The following RICTOR variants were observed in gnomAD, a reference collection of about 807,000 sequenced individuals.
RICTOR encodes the protein rapamycin-insensitive companion of mTOR.
RICTOR carries 49 observed loss-of-function variants against 214.9 expected under a neutral mutation model. The observed-to-expected ratio is 0.23, with a 90% CI of 0.18 to 0.29. The LOEUF (loss-of-function observed/expected upper bound fraction) is 0.29. Among genes scored for constraint, RICTOR ranks in the 10% least tolerant of loss-of-function variants. RICTOR has a pLI of 1.00. For missense variants in RICTOR, 1,625 were observed against 2,047.0 expected (o/e 0.79, Z 3.98); for synonymous variants, 717 against 711.3 (o/e 1.01, Z -0.13).
At chr5:39,041,171 C>T (rs16868003) in intron 2 of RICTOR, among the ~76,000 whole-genome samples, 5,045 of 152,162 alleles carry the variant, frequency 0.033, 138 homozygotes, top group South Asian at 0.081. Context: ...ATGCTTAACA[C>T]GAGTTTATTC....
At position 39,017,495 on chromosome 5, in the gene RICTOR, T is replaced by C. The variant is rs1006290518; in HGVS notation, c.195+3544A>G. 7.2e-5 allele frequency among the ~76,000 whole-genome samples: 11 copies of C among 152,058 alleles called. No individual in the cohort carries two copies. In the South Asian group the frequency reaches 2.3e-3, roughly 32 times the overall value. On this transcript the variant is annotated intron_variant, in intron 3 of 37. Coordinates refer to ENST00000357387, the MANE Select transcript of RICTOR (RefSeq NM_152756.5). ...CACTACAAAATACATGCCCATACTT[T>C]TGAAAGCCCGTTCTCCAGTACCTAG...
At chr5:38,977,592 C>CTT (rs34467191) in intron 9 of RICTOR, among the ~76,000 whole-genome samples, 1,803 of 83,168 alleles carry the variant, frequency 0.022, 58 homozygotes, top group Non-Finnish European at 0.029. Flanking sequence ...TATGAAACCA[C>CTT]TTTTTTTTTT....
intron 29 of RICTOR, 85 bp from the exon 30 acceptor site, chr5:38,952,510 C>G: frequency 1.1e-6 from 1 of 884,170 alleles, no homozygotes; most frequent in Non-Finnish European, 1.7e-6. Flanking sequence ...GCTATACATA[C>G]TTTGAACTTT....
chr5:39,032,601 G>A (rs1235170270), intron 2 of RICTOR, among the ~76,000 whole-genome samples: 1 of 152,112 alleles, frequency 6.6e-6, no homozygotes, highest in South Asian at 2.1e-4. Flanking sequence ...TGAGGACACA[G>A]GGCAAGCCAC....
In RICTOR at chr5:38,953,476, T is replaced by C; in HGVS notation, c.2775A>G (p.Ala925=). The change falls in exon 28 of 38, where the codon GCA becomes GCG. Residue 925 remains alanine (A), a synonymous_variant. Transcript: ENST00000357387. ...DKWEEIKKLK[A]SLWALGNIGS... The stretch of plus-strand genomic sequence containing the variant: ...TATTACAAACCAAGGCCCAAAGAGA[T>C]GCTTTCAGTTTTTTAATTTCTTCCC... The C allele has an allele frequency of 6.8e-7, 1 of 1,467,392 alleles. No individual in the cohort carries two copies. Among genetic ancestry groups the C allele is most frequent in the Non-Finnish European group, 9.2e-7 (1 of 1,091,910 alleles). 90.9% of individuals were successfully genotyped at this position (1,467,392 alleles called of 1,614,324 possible). A position where few individuals can be genotyped will look rare whatever the true frequency, so the allele number is the denominator to read the frequency against.
rs1164488472 is a variant in RICTOR at position 38,945,062 on chromosome 5, T to G, written c.4640A>C (p.Gln1547Pro). Residue 1547 changes from glutamine to proline, a missense_variant, in exon 35 of 38, where the codon CAA becomes CCA. Around this residue, in one of 5 missense-constraint regions of RICTOR, gnomAD observed 1,214 missense variants for 1,470.5 expected, o/e 0.83. Transcript: ENST00000357387. ...ACACCAATCAGAATATGGAATATCT[T>G]GAAAGTCTGAAGAAAAAAATAATTA... is the stretch of plus-strand genomic sequence containing the variant. ...LSAICSHSDFQDIPYSDWCEQ... is the reference protein window; with the variant it reads ...LSAICSHSDFPDIPYSDWCEQ... The G allele has an allele frequency of 1.9e-6, 3 of 1,593,948 alleles. No homozygotes were observed. The South Asian group carries it at 3.4e-5, about 18-fold the overall frequency.
At chr5:39,043,512 A>G (rs1252033649) in intron 2 of RICTOR, among the ~76,000 whole-genome samples, 1 of 152,208 alleles carries the variant, frequency 6.6e-6, no homozygotes, top group Non-Finnish European at 1.5e-5. Context: ...ACAAAGTTAC[A>G]GTTAGGAGGA....
chr5:38,985,148 T>C (rs1272304631), intron 7 of RICTOR, among the ~76,000 whole-genome samples: 2 of 152,270 alleles, frequency 1.3e-5, no homozygotes, highest in East Asian at 3.9e-4. Context: ...CTTTGAGAAT[T>C]ACAGCCATCA....
chr5:38,954,293 A>G (rs1350997585), intron 27 of RICTOR, among the ~76,000 whole-genome samples: 2 of 151,958 alleles, frequency 1.3e-5, no homozygotes, highest in Non-Finnish European at 2.9e-5. Context: ...TCAAAGAACA[A>G]CTGCTTGCCT....
chr5:38,990,567 CGATATATAT>C (rs1484432220), intron 7 of RICTOR, among the ~76,000 whole-genome samples: 25 of 143,326 alleles, frequency 1.7e-4, no homozygotes, highest in African/African-American at 5.7e-4. Flanking sequence ...GATATATACA[CGATATATAT>C]GATATATACA....
chr5:39,004,677 C>G (rs1201904568), intron 3 of RICTOR, among the ~76,000 whole-genome samples: 1 of 150,764 alleles, frequency 6.6e-6, no homozygotes, highest in African/African-American at 2.4e-5. Context: ...CCAGGCTGGT[C>G]TCGAACTCCT....
At chr5:39,064,812 C>A (rs1758785101) in intron 2 of RICTOR, among the ~76,000 whole-genome samples, 1 of 152,196 alleles carries the variant, frequency 6.6e-6, no homozygotes, top group East Asian at 1.9e-4. Flanking sequence ...CAAATGCTTT[C>A]TTTTTAACCT....
chr5:39,011,435 G>C (rs1754511662), intron 3 of RICTOR, among the ~76,000 whole-genome samples: 1 of 152,148 alleles, frequency 6.6e-6, no homozygotes, highest in Non-Finnish European at 1.5e-5. Flanking sequence ...CCCACACAAA[G>C]TCCCCACTGG....
At chr5:38,991,505 A>C (rs183188244) in intron 6 of RICTOR, among the ~76,000 whole-genome samples, 2 of 147,914 alleles carry the variant, frequency 1.4e-5, no homozygotes, top group East Asian at 4.1e-4. Context: ...TACTTCCATA[A>C]CATCTTTATC....
chr5:39,006,343 T>C (rs911873147), intron 3 of RICTOR, among the ~76,000 whole-genome samples: 3 of 152,194 alleles, frequency 2.0e-5, no homozygotes, highest in Non-Finnish European at 4.4e-5. Context: ...TATGCCAGTT[T>C]AATCTAGATA....
rs570365168 is a variant in RICTOR, at chr5:38,945,153, T to G, written c.4634-85A>C. The G allele has an allele frequency of 2.4e-5, 23 of 947,938 alleles. No homozygotes were observed. In the African/African-American group the frequency reaches 3.7e-4, roughly 15 times the overall value. The allele number at this position is 947,938 out of a possible 1,614,324, so 58.7% of individuals were successfully genotyped here. On this transcript the variant is annotated intron_variant, in intron 34 of 37. Coordinates refer to ENST00000357387, the MANE Select transcript of RICTOR (RefSeq NM_152756.5). ...CATTGCATGCTAAAAAGAAATAATATAAAATAACATCTTCTCTAATTGTAT... is the reference window on the plus strand; with the variant it reads ...CATTGCATGCTAAAAAGAAATAATAGAAAATAACATCTTCTCTAATTGTAT...
chr5:39,008,780 T>G (rs1270141264), intron 3 of RICTOR, among the ~76,000 whole-genome samples: 1 of 151,938 alleles, frequency 6.6e-6, no homozygotes, highest in East Asian at 1.9e-4. Context: ...TTTCACTCCT[T>G]AAAATAATTT....
At chr5:38,943,021 A>C (rs778421469) in intron 36 of RICTOR, 50 bp from the exon 37 acceptor site, 3 of 1,393,724 alleles carry the variant, frequency 2.2e-6, no homozygotes, top group Admixed American at 3.4e-5. Flanking sequence ...TGATGTATCT[A>C]TTTTTCCTCC....
intron 37 of RICTOR, 84 bp downstream of exon 37, chr5:38,942,749 C>T: frequency 8.7e-7 from 1 of 1,143,990 alleles, no homozygotes; most frequent in Non-Finnish European, 1.3e-6. Flanking sequence ...AGTCACCACA[C>T]CCAGCTATAA....
Sources: gnomAD v4.1 joint callset for allele counts (sites outside exome capture counted in the v4.1 genomes callset) on GRCh38, gnomAD v4.1.1 for gene constraint, gnomAD v4.1.1 regional missense constraint, MANE v1.5 for transcripts, NCBI Gene and HGNC (gene_info 2026-07-23, HGNC 2026-07-21) for gene names.